CPVL: variants seen among roughly 807,000 people sequenced by gnomAD.
The protein encoded by CPVL is carboxypeptidase vitellogenic like, also known as probable serine carboxypeptidase CPVL.
A neutral mutation model predicts 63.7 loss-of-function variants in CPVL; 51 were observed. The observed-to-expected ratio is 0.80, with a 90% CI of 0.64 to 1.01. The LOEUF (loss-of-function observed/expected upper bound fraction) is 1.01, where lower values mean the gene tolerates loss of function less well. Among genes scored for constraint, CPVL ranks in the 50% least tolerant of loss-of-function variants. The pLI is 0.00. For synonymous variants in CPVL, 195 were observed against 206.0 expected (o/e 0.95, Z 0.46); for missense variants, 530 against 573.1 (o/e 0.92, Z 0.77).
chr7:29,041,356 C>T (rs2128164244), intron 11 of CPVL, among the ~76,000 whole-genome samples: 1 of 152,116 alleles, frequency 6.6e-6, no homozygotes, highest in Admixed American at 6.5e-5. Flanking sequence ...GGATTACAGG[C>T]ATGAGCCACC....
intron 5 of CPVL, among the ~76,000 whole-genome samples, chr7:29,157,345 C>T (rs145052598): frequency 1.3e-5 from 2 of 152,170 alleles, no homozygotes; most frequent in East Asian, 1.9e-4. Flanking sequence ...CAATGCCCAG[C>T]CCCTGCTGGT....
chr7:29,031,037 C>T (rs2074782), intron 11 of CPVL, among the ~76,000 whole-genome samples: 127,696 of 152,172 alleles, frequency 0.84, 54,300 homozygotes, highest in African/African-American at 0.96. Context: ...TTTACTTGGA[C>T]TTATGGCTAT....
rs10658501 is a variant in CPVL, at chr7:29,075,519, T to TAAAA, written c.610-3100_610-3097dup. 1.9e-3 allele frequency among the ~76,000 whole-genome samples: 243 copies of TAAAA among 128,922 alleles called. 20 individuals are homozygous for TAAAA. The highest frequency in any genetic ancestry group is 4.0e-3 in the Middle Eastern group (1 of 250). 84.6% of individuals were successfully genotyped at this position (128,922 alleles called of 152,430 possible). A position where few individuals can be genotyped will look rare whatever the true frequency, so the allele number is the denominator to read the frequency against. Reference sequence around the variant, plus strand: ...TCTTTTCTATTGAGAAGATACTTCTTAAAAAAAAAAAAAAAAAAGCCATCA... The same window carrying TAAAA: ...TCTTTTCTATTGAGAAGATACTTCTTAAAAAAAAAAAAAAAAAAAAAAGCCATCA... On this transcript the variant is annotated intron_variant, in intron 7 of 12. Transcript: ENST00000265394.
intron 6 of CPVL, among the ~76,000 whole-genome samples, chr7:29,092,335 A>C (rs556024331): frequency 3.0e-4 from 46 of 152,250 alleles, no homozygotes; most frequent in Middle Eastern, 3.4e-3. Flanking sequence ...AATCCTGAGA[A>C]ACAAACAAAT....
chr7:29,007,386 T>C lies in CPVL; in HGVS notation c.1321-11504A>G, dbSNP rs373037430. Among the ~76,000 whole-genome samples the C allele has an allele frequency of 7.8e-4, 115 of 147,824 alleles. 4 individuals are homozygous for C. In the South Asian group the frequency reaches 0.023, roughly 30 times the overall value. ...CAAATAATCAGAGTCAAATTGGGAG[T>C]TGCTATTGTTTATTATTTCCTTTGT... On this transcript the variant is annotated intron_variant, in intron 12 of 12. Coordinates refer to ENST00000265394, the MANE Select transcript of CPVL (RefSeq NM_031311.5).
rs567253309 is a variant in CPVL, at chr7:29,016,113, G to A, written c.1320+14464C>T. On this transcript the variant is annotated intron_variant, in intron 12 of 12. Coordinates refer to ENST00000265394, the MANE Select transcript of CPVL (RefSeq NM_031311.5). ...TGCCTGTAATTCCAGAACTTTGGGA[G>A]GCGAAGGCTGGTGGATCACCTGAGG... 8.7e-4 allele frequency among the ~76,000 whole-genome samples: 132 copies of A among 152,266 alleles called. 1 individual carries two copies. Among genetic ancestry groups the A allele is most frequent in the African/African-American group, 2.9e-3 (122 of 41,540 alleles).
At chr7:29,073,256 T>G (rs1161481945) in intron 7 of CPVL, among the ~76,000 whole-genome samples, 1 of 152,168 alleles carries the variant, frequency 6.6e-6, no homozygotes, top group African/African-American at 2.4e-5. Context: ...GTTATATCTC[T>G]CTTTGTCTCG....
At chr7:29,096,036 A>C in intron 4 of CPVL, 67 bp downstream of exon 4, 1 of 1,193,348 alleles carries the variant, frequency 8.4e-7, no homozygotes, top group Non-Finnish European at 1.3e-6. Flanking sequence ...ACTCTAAATT[A>C]GTTTTGGAGC....
intron 2 of CPVL, among the ~76,000 whole-genome samples, chr7:29,119,409 C>T (rs889978907): frequency 1.4e-5 from 2 of 147,600 alleles, no homozygotes; most frequent in Admixed American, 7.0e-5. Flanking sequence ...ATCGCTTGAA[C>T]GCAGGAGGTG....
At chr7:29,012,836 T>C (rs1785989968) in intron 12 of CPVL, 1 of 152,160 alleles carries the variant, frequency 6.6e-6, no homozygotes, top group South Asian at 2.1e-4. Flanking sequence ...TGGCTACATA[T>C]TAGAAACCTC....
intron 1 of CPVL, chr7:29,128,300 C>A (rs967980530): frequency 6.6e-6 from 1 of 150,874 alleles, no homozygotes; most frequent in Non-Finnish European, 1.5e-5. Flanking sequence ...TGGATTGTGA[C>A]TCATGTAAAT....
At chr7:29,112,199 C>T (rs903071737) in intron 3 of CPVL, among the ~76,000 whole-genome samples, 1 of 152,108 alleles carries the variant, frequency 6.6e-6, no homozygotes, top group Non-Finnish European at 1.5e-5. Flanking sequence ...TCCTCTGTGG[C>T]CCCCACAGAA....
intron 7 of CPVL, chr7:29,082,408 A>T (rs317727): frequency 0.11 from 16,071 of 152,268 alleles, 1,073 homozygotes; most frequent in Middle Eastern, 0.15. Flanking sequence ...CCAGGTCTCC[A>T]AATGATTAAT....
intron 1 of CPVL, chr7:29,194,425 T>C (rs1157127766): frequency 1.3e-5 from 2 of 152,744 alleles, no homozygotes; most frequent in Non-Finnish European, 2.9e-5. Context: ...TTCCTTTGTG[T>C]GTGCGCGAGC....
At chr7:29,091,767 T>G (rs1785824782) in intron 6 of CPVL, among the ~76,000 whole-genome samples, 1 of 152,200 alleles carries the variant, frequency 6.6e-6, no homozygotes. Flanking sequence ...AGTAGTTCTT[T>G]CTTCTCTCCC....
intron 12 of CPVL, chr7:29,012,349 T>G (rs1403198199): frequency 1.3e-5 from 2 of 152,206 alleles, no homozygotes; most frequent in East Asian, 3.8e-4. Flanking sequence ...CACTACTATC[T>G]AAGAGCACTG....
chr7:29,139,296 T>A (rs1791593647), intron 1 of CPVL, among the ~76,000 whole-genome samples: 1 of 152,206 alleles, frequency 6.6e-6, no homozygotes, highest in African/African-American at 2.4e-5. Context: ...TTGTAAATTC[T>A]GGAGATTAGA....
At chr7:29,115,666 G>A (rs1345599217) in intron 2 of CPVL, among the ~76,000 whole-genome samples, 2 of 151,042 alleles carry the variant, frequency 1.3e-5, no homozygotes, top group Middle Eastern at 3.4e-3. Context: ...GAGTAGAGAA[G>A]TAAAAACTGT....
At chr7:29,079,931 G>A (rs1301496191) in intron 7 of CPVL, among the ~76,000 whole-genome samples, 9 of 152,182 alleles carry the variant, frequency 5.9e-5, no homozygotes, top group Non-Finnish European at 1.3e-4. Flanking sequence ...TTGACAACAA[G>A]TCAGAATGGG....
Sources: gnomAD v4.1 joint callset for allele counts (sites outside exome capture counted in the v4.1 genomes callset) on GRCh38, gnomAD v4.1.1 for gene constraint, MANE v1.5 for transcripts, NCBI Gene and HGNC (gene_info 2026-07-23, HGNC 2026-07-21) for gene names.